SOD1: variants seen among roughly 807,000 people sequenced by gnomAD.
SOD1 encodes the protein superoxide dismutase [Cu-Zn].
In SOD1, 8 loss-of-function variants were observed where a neutral mutation model predicts 15.9. That is an observed-to-expected ratio of 0.50 (90% CI 0.30 to 0.91). SOD1 has a LOEUF of 0.91. Among genes scored for constraint, SOD1 ranks in the 40% least tolerant of loss-of-function variants. SOD1 has a pLI of 0.07. For missense variants in SOD1, 137 were observed against 194.5 expected, an observed-to-expected ratio of 0.70 and a Z score of 1.76; for synonymous variants, 86 against 71.2, an observed-to-expected ratio of 1.21 and a Z score of -1.04.
chr21:31,664,592 C>T (rs888069256), intron 2 of SOD1: 1 of 153,396 alleles, frequency 6.5e-6, no homozygotes, highest in Admixed American at 6.5e-5. Flanking sequence ...TTTTGTCTTA[C>T]AGCATCATTG....
intron 1 of SOD1, 82 bp downstream of exon 1, chr21:31,659,923 C>A: frequency 7.0e-7 from 1 of 1,437,936 alleles, no homozygotes; most frequent in Non-Finnish European, 9.6e-7. Flanking sequence ...GAGCGGGTCG[C>A]CCGCCAGGCC....
chr21:31,667,660 A>AT (rs1336086497), intron 4 of SOD1, among the ~76,000 whole-genome samples: 1 of 152,162 alleles, frequency 6.6e-6, no homozygotes, highest in Non-Finnish European at 1.5e-5. Flanking sequence ...AAATGGCCAG[A>AT]TTTTCTTGCC....
intron 1 of SOD1, chr21:31,660,499 G>A (rs1418802290): frequency 6.6e-6 from 1 of 152,246 alleles, no homozygotes; most frequent in African/African-American, 2.4e-5. Flanking sequence ...GGTCATGATT[G>A]GGCTGCAAGG....
At chr21:31,667,412 CT>C in intron 4 of SOD1, 37 bp downstream of exon 4, 2 of 1,330,316 alleles carry the variant, frequency 1.5e-6, no homozygotes, top group Non-Finnish European at 2.2e-6. Flanking sequence ...AAAACTTCTT[CT>C]AACATACAGT....
At chr21:31,662,088 C>G (rs908590525) in intron 1 of SOD1, among the ~76,000 whole-genome samples, 4 of 152,148 alleles carry the variant, frequency 2.6e-5, no homozygotes, top group South Asian at 2.1e-4. Flanking sequence ...CTGTGTTATT[C>G]ACTTAAGTTC....
chr21:31,663,133 T>G (rs1161173378), intron 1 of SOD1, among the ~76,000 whole-genome samples: 1 of 149,852 alleles, frequency 6.7e-6, no homozygotes, highest in Non-Finnish European at 1.5e-5. Context: ...TTCTTTTTTT[T>G]TTTTTAAAGT....
chr21:31,668,692 CTT>C lies in SOD1; in HGVS notation c.*118_*119del. The C allele has an allele frequency of 1.2e-6, 1 of 845,010 alleles. No homozygotes were observed. Among genetic ancestry groups the C allele is most frequent in the Non-Finnish European group, 2.0e-6 (1 of 503,494 alleles). The allele number at this position is 845,010 out of a possible 1,614,324, so 52.3% of individuals were successfully genotyped here. ...TAATCTTAAAAGTGTAATTGTGTGA[CTT>C]TTTCAGAGTTGCTTTAAAGTACCTG... is the stretch of plus-strand genomic sequence containing the variant. On this transcript the variant is annotated 3_prime_UTR_variant, in exon 5 of 5. Coordinates refer to ENST00000270142, the MANE Select transcript of SOD1 (RefSeq NM_000454.5).
At chr21:31,667,115 CTTGT>C (rs2049600494) in intron 3 of SOD1, 139 bp from the exon 4 acceptor site, 1 of 699,244 alleles carries the variant, frequency 1.4e-6, no homozygotes, top group African/African-American at 1.8e-5. Context: ...GACGTGAAGC[CTTGT>C]TTGAAGAGCT....
intron 2 of SOD1, among the ~76,000 whole-genome samples, chr21:31,664,887 A>G (rs1377038888): frequency 6.6e-6 from 1 of 152,056 alleles, no homozygotes; most frequent in African/African-American, 2.4e-5. Flanking sequence ...AAGTGCTGGG[A>G]TTACAGGCAT....
At chr21:31,660,948 A>G (rs778559898) in intron 1 of SOD1, among the ~76,000 whole-genome samples, 2 of 152,244 alleles carry the variant, frequency 1.3e-5, no homozygotes, top group Non-Finnish European at 2.9e-5. Context: ...GGTCAGAGAC[A>G]AACTTCTGAA....
Position 31,668,600 on chromosome 21 carries a change from G to A in SOD1, c.*22G>A, listed in dbSNP as rs2049620435. ...ATAAACATTCCCTTGGATGTAGTCT[G>A]AGGCCCCTTAACTCATCTGTTATCC... On this transcript the variant is annotated 3_prime_UTR_variant, in exon 5 of 5. Transcript: ENST00000270142. 1 of 1,529,748 alleles carries A rather than the reference G, an allele frequency of 6.5e-7. No homozygotes were observed. The highest frequency in any genetic ancestry group is 9.1e-7 in the Non-Finnish European group (1 of 1,102,858). The allele number at this position is 1,529,748 out of a possible 1,614,324, so 94.8% of individuals were successfully genotyped here. A position where few individuals can be genotyped will look rare whatever the true frequency, so the allele number is the denominator to read the frequency against.
chr21:31,666,635 C>T, intron 3 of SOD1, 117 bp downstream of exon 3: 1 of 822,442 alleles, frequency 1.2e-6, no homozygotes, highest in East Asian at 2.7e-5. Context: ...TGCTTTTGAA[C>T]TTGCTGACTC....
intron 2 of SOD1, among the ~76,000 whole-genome samples, chr21:31,664,708 T>C (rs1183398001): frequency 1.3e-5 from 2 of 152,032 alleles, no homozygotes; most frequent in Non-Finnish European, 2.9e-5. Context: ...AAGCTCCGCC[T>C]CCCGGGTTCA....
chr21:31,663,926 CCT>C, intron 2 of SOD1, 40 bp downstream of exon 2: 5 of 1,464,986 alleles, frequency 3.4e-6, no homozygotes, highest in South Asian at 1.1e-5. Context: ...ACTTGTTCAC[CCT>C]AGTTAGATAA....
At position 31,659,751 on chromosome 21, in the gene SOD1, C is replaced by G; in HGVS notation, c.-19C>G. Reference sequence around the variant, plus strand: ...GTTGCAGTCCTCGGAACCAGGACCTCGGCGTGGCCTAGCGAGTTATGGCGA... The same window carrying G: ...GTTGCAGTCCTCGGAACCAGGACCTGGGCGTGGCCTAGCGAGTTATGGCGA... On this transcript the variant is annotated 5_prime_UTR_variant, in exon 1 of 5. Coordinates refer to ENST00000270142, the MANE Select transcript of SOD1 (RefSeq NM_000454.5). The G allele has an allele frequency of 6.2e-7, 1 of 1,613,706 alleles. No homozygotes were observed. The highest frequency in any genetic ancestry group is 8.5e-7 in the Non-Finnish European group (1 of 1,179,770).
intron 1 of SOD1, among the ~76,000 whole-genome samples, chr21:31,661,120 G>T (rs2049545131): frequency 6.6e-6 from 1 of 152,070 alleles, no homozygotes; most frequent in South Asian, 2.1e-4. Context: ...AAATCATGAG[G>T]GAATATTTAC....
intron 4 of SOD1, 126 bp from the exon 5 acceptor site, chr21:31,668,345 A>G (rs565581880): frequency 2.8e-6 from 2 of 710,270 alleles, no homozygotes; most frequent in African/African-American, 1.8e-5. Context: ...ATATTAGTAT[A>G]TCTCTCTACT....
chr21:31,664,311 A>T (rs1354661977), intron 2 of SOD1: 2 of 282,284 alleles, frequency 7.1e-6, no homozygotes, highest in African/African-American at 2.2e-5. Flanking sequence ...GGTCAACTTT[A>T]TTGTATATAA....
In SOD1 at chr21:31,659,787, G is replaced by T. The variant is rs1205921696; in HGVS notation, c.18G>T (p.Val6=). MATKA[V]CVLKGDGPVQ... ...AGCGAGTTATGGCGACGAAGGCCGT[G>T]TGCGTGCTGAAGGGCGACGGCCCAG... is the stretch of plus-strand genomic sequence containing the variant. The change falls in exon 1 of 5, where the codon GTG becomes GTT. Residue 6 remains valine (V), a synonymous_variant. Coordinates refer to ENST00000270142, the MANE Select transcript of SOD1 (RefSeq NM_000454.5). 1 of 1,613,828 alleles carries T rather than the reference G, an allele frequency of 6.2e-7. No homozygotes were observed. Among genetic ancestry groups the T allele is most frequent in the African/African-American group, 1.3e-5 (1 of 74,936 alleles).
Sources: allele counts gnomAD v4.1 joint callset (sites outside exome capture counted in the v4.1 genomes callset), GRCh38; gene constraint gnomAD v4.1.1; transcripts MANE v1.5; gene names NCBI Gene and HGNC (gene_info 2026-07-23, HGNC 2026-07-21).